Variants in ZSCAN26 observed in about 807,000 individuals in gnomAD.
The protein encoded by ZSCAN26 is zinc finger and SCAN domain-containing protein 26.
A neutral mutation model predicts 23.0 loss-of-function variants in ZSCAN26; 26 were observed. That is an observed-to-expected ratio of 1.13 (90% confidence interval 0.83 to 1.57). The LOEUF (loss-of-function observed/expected upper bound fraction) is 1.57, where lower values mean the gene tolerates loss of function less well. ZSCAN26 is among the 40% of genes most tolerant of loss of function. ZSCAN26 has a pLI of 0.00. For synonymous variants in ZSCAN26, 180 were observed against 202.5 expected, an observed-to-expected ratio of 0.89 and a Z score of 0.94; for missense variants, 528 against 568.5, an observed-to-expected ratio of 0.93 and a Z score of 0.72.
At chr6:28,268,538 T>G (rs1369874695) in intron 1 of ZSCAN26, among the ~76,000 whole-genome samples, 1 of 152,144 alleles carries the variant, frequency 6.6e-6, no homozygotes, top group Non-Finnish European at 1.5e-5. Context: ...GAAAATAGAT[T>G]GGTGTCTCAG....
chr6:28,268,251 G>A (rs563579326), intron 1 of ZSCAN26, among the ~76,000 whole-genome samples: 1 of 152,186 alleles, frequency 6.6e-6, no homozygotes, highest in East Asian at 1.9e-4. Flanking sequence ...TTATTATGCT[G>A]AGACATGAAG....
At chr6:28,267,791 CTT>C (rs1467543190) in intron 1 of ZSCAN26, among the ~76,000 whole-genome samples, 4 of 152,146 alleles carry the variant, frequency 2.6e-5, no homozygotes, top group African/African-American at 7.2e-5. Context: ...CATGATCTGA[CTT>C]ATGTTTTAAA....
intron 3 of ZSCAN26, among the ~76,000 whole-genome samples, chr6:28,274,473 G>T (rs937269189): frequency 6.6e-6 from 1 of 152,238 alleles, no homozygotes; most frequent in Admixed American, 6.5e-5. Context: ...AAAAGTAAAT[G>T]TGGCTGCTGT....
chr6:28,271,743 G>A lies in ZSCAN26; in HGVS notation c.-66-111G>A, dbSNP rs1581609785. ...TCTGTATGTATGTTTAGAAATGGTTGTTTTAGAGAGAAAAAATGGATAATA... is the reference window on the plus strand; with the variant it reads ...TCTGTATGTATGTTTAGAAATGGTTATTTTAGAGAGAAAAAATGGATAATA... On this transcript the variant is annotated intron_variant, in intron 1 of 3. Coordinates refer to ENST00000421553, the MANE Select transcript of ZSCAN26 (RefSeq NM_001023560.4). The A allele has an allele frequency of 1.5e-5, 9 of 608,970 alleles. No individual in the cohort carries two copies. In the East Asian group the frequency reaches 2.5e-4, roughly 17 times the overall value. 37.7% of individuals were successfully genotyped at this position (608,970 alleles called of 1,614,324 possible). A position where few individuals can be genotyped will look rare whatever the true frequency, so the allele number is the denominator to read the frequency against.
rs1315714075 is a variant in ZSCAN26 at position 28,278,137 on chromosome 6, A to G, written c.*1041A>G. Reference sequence around the variant, plus strand: ...ACAACTTCAGCCCTCAGCCTCTGCAATCCATATATATCCTGGTCTTGGGAG... The same window carrying G: ...ACAACTTCAGCCCTCAGCCTCTGCAGTCCATATATATCCTGGTCTTGGGAG... On this transcript the variant is annotated 3_prime_UTR_variant, in exon 4 of 4. Coordinates refer to ENST00000421553, the MANE Select transcript of ZSCAN26 (RefSeq NM_001023560.4). The G allele has an allele frequency of 6.6e-6, 1 of 152,230 alleles. No homozygotes were observed. Among genetic ancestry groups the G allele is most frequent in the East Asian group, 1.9e-4 (1 of 5,198 alleles). The allele number at this position is 152,230 out of a possible 1,614,324, so 9.4% of individuals were successfully genotyped here. A position where few individuals can be genotyped will look rare whatever the true frequency, so the allele number is the denominator to read the frequency against.
At chr6:28,271,144 C>T (rs144399148) in intron 1 of ZSCAN26, among the ~76,000 whole-genome samples, 2,220 of 152,268 alleles carry the variant, frequency 0.015, 53 homozygotes, top group African/African-American at 0.043. Flanking sequence ...ACCTCCTTGA[C>T]CTTCTGGATA....
intron 1 of ZSCAN26, 72 bp from the exon 2 acceptor site, chr6:28,271,782 C>T: frequency 3.8e-6 from 3 of 790,604 alleles, no homozygotes; most frequent in South Asian, 4.2e-5. Flanking sequence ...AATGTATAAA[C>T]CCAAGAAAAT....
rs1482967681 is a variant in ZSCAN26, at chr6:28,276,467, A to G, written c.811A>G (p.Thr271Ala). ...ESDVCQSSSL[T>A]GHKKVLSREK... ...TGATGTGTGTCAGAGTTCCAGTCTTACAGGACATAAGAAAGTCCTCTCTAG... is the reference window on the plus strand; with the variant it reads ...TGATGTGTGTCAGAGTTCCAGTCTTGCAGGACATAAGAAAGTCCTCTCTAG... Residue 271 changes from threonine to alanine, a missense_variant, in exon 4 of 4, where the codon ACA becomes GCA. Thr to Ala is a moderately conservative substitution (Grantham distance 58). Transcript: ENST00000421553. 1.2e-6 allele frequency: 2 copies of G among 1,614,036 alleles called. No individual in the cohort carries two copies. Among genetic ancestry groups the G allele is most frequent in the Non-Finnish European group, 1.7e-6 (2 of 1,179,876 alleles).
Position 28,276,761 on chromosome 6 carries a change from T to G in ZSCAN26, c.1105T>G (p.Cys369Gly). The G allele has an allele frequency of 6.2e-7, 1 of 1,613,866 alleles. No homozygotes were observed. The highest frequency in any genetic ancestry group is 8.5e-7 in the Non-Finnish European group (1 of 1,179,848). The change falls in exon 4 of 4, where the codon TGC becomes GGC. Residue 369 changes from cysteine (C) to glycine (G), a missense_variant. Transcript: ENST00000421553. Reference sequence around the variant, plus strand: ...TCACAGTCAGGAGGAGCCCTGTGAGTGCAAGGAGTGTGGAAAAACCTTTAG... The same window carrying G: ...TCACAGTCAGGAGGAGCCCTGTGAGGGCAAGGAGTGTGGAAAAACCTTTAG... ...RIHSQEEPCE[C>G]KECGKTFSQA...
At position 28,276,826 on chromosome 6, in the gene ZSCAN26, T is replaced by C. The variant is rs1207918615; in HGVS notation, c.1170T>C (p.Ser390=). 1.9e-6 allele frequency: 3 copies of C among 1,613,938 alleles called. No homozygotes were observed. In the African/African-American group the frequency reaches 4.0e-5, roughly 22 times the overall value. Residue 390 remains serine (S), a synonymous_variant, in exon 4 of 4, where the codon AGT becomes AGC. Transcript: ENST00000421553. The part of the protein sequence containing the change: ...LLLTHHQRIH[S]HSKSHQCNEC... ...TCACCCACCATCAGAGAATCCATAG[T>C]CACTCCAAAAGCCATCAATGTAACG...
rs372355288 is a variant in ZSCAN26 at position 28,276,544 on chromosome 6, A to G, written c.888A>G (p.Ser296=). 38 of 1,613,632 alleles carry G rather than the reference A, an allele frequency of 2.4e-5. No individual in the cohort carries two copies. The highest frequency in any genetic ancestry group is 3.1e-5 in the Non-Finnish European group (37 of 1,179,774). ...HECGKAFQRS[S]HLVRHQKIHL... ...GTGGGAAAGCCTTTCAGAGGAGTTC[A>G]CACCTCGTCAGACATCAGAAAATCC... Residue 296 remains serine (S), a synonymous_variant, in exon 4 of 4, where the codon TCA becomes TCG. Transcript: ENST00000421553.
intron 3 of ZSCAN26, among the ~76,000 whole-genome samples, chr6:28,273,687 AT>A (rs201094186): frequency 0.012 from 1,657 of 137,672 alleles, 8 homozygotes; most frequent in Middle Eastern, 0.019. Flanking sequence ...CGTCACCTGG[AT>A]TTTTTTTTTT....
chr6:28,271,217 A>C (rs573779869), intron 1 of ZSCAN26, among the ~76,000 whole-genome samples: 3 of 152,198 alleles, frequency 2.0e-5, no homozygotes, highest in East Asian at 3.9e-4. Flanking sequence ...TTACATGTAG[A>C]TGTTTCCCAG....
chr6:28,272,751 C>A lies in ZSCAN26; in HGVS notation c.502C>A (p.His168Asn). ...LKGVQEQQVR[H>N]ECEVTKPEKE... is the part of the protein sequence containing the mutation. ...AGGAGTACAGGAACAGCAGGTTCGG[C>A]ATGAGTGTGAAGTTACAAAGCCTGA... Residue 168 changes from histidine (H) to asparagine (N), a missense_variant, in exon 3 of 4, where the codon CAT becomes AAT. By Grantham distance (68) the His-to-Asn change is moderately conservative. Transcript: ENST00000421553. The A allele has an allele frequency of 1.2e-6, 2 of 1,613,460 alleles. No homozygotes were observed. Among genetic ancestry groups the A allele is most frequent in the Non-Finnish European group, 1.7e-6 (2 of 1,179,666 alleles).
At chr6:28,275,829 G>A (rs998733875) in intron 3 of ZSCAN26, among the ~76,000 whole-genome samples, 1 of 152,112 alleles carries the variant, frequency 6.6e-6, no homozygotes, top group East Asian at 1.9e-4. Flanking sequence ...GGCCCTGGGG[G>A]CCTCAATTAA....
chr6:28,275,749 G>C (rs1456975309), intron 3 of ZSCAN26, among the ~76,000 whole-genome samples: 4 of 152,186 alleles, frequency 2.6e-5, no homozygotes, highest in African/African-American at 9.7e-5. Context: ...AGATTACACA[G>C]TTAGTGATAA....
intron 3 of ZSCAN26, 22 bp downstream of exon 3, chr6:28,272,809 C>G (rs1177566128): frequency 4.8e-5 from 76 of 1,590,244 alleles, no homozygotes; most frequent in Non-Finnish European, 6.5e-5. Context: ...ATTGCATCTT[C>G]TGTGTGTGAG....
At chr6:28,270,868 A>G (rs1210678428) in intron 1 of ZSCAN26, among the ~76,000 whole-genome samples, 1 of 152,162 alleles carries the variant, frequency 6.6e-6, no homozygotes, top group East Asian at 1.9e-4. Context: ...TTAATTCACC[A>G]TCTTATAGCA....
At position 28,271,807 on chromosome 6, in the gene ZSCAN26, T is replaced by C. The variant is rs887207193; in HGVS notation, c.-66-47T>C. On this transcript the variant is annotated intron_variant, in intron 1 of 3. Transcript: ENST00000421553. ...CCCAAGAAAATGTTACTGTTCTTGT[T>C]AGCAGTACTATTACTGTTTCTGTCA... is the stretch of plus-strand genomic sequence containing the variant. 50 of 926,134 alleles carry C rather than the reference T, an allele frequency of 5.4e-5. No homozygotes were observed. The East Asian group carries it at 6.6e-4, about 12-fold the overall frequency. 57.4% of individuals were successfully genotyped at this position (926,134 alleles called of 1,614,324 possible). A position where few individuals can be genotyped will look rare whatever the true frequency, so the allele number is the denominator to read the frequency against.
Sources: allele counts gnomAD v4.1 joint callset (sites outside exome capture counted in the v4.1 genomes callset), GRCh38; gene constraint gnomAD v4.1.1; transcripts MANE v1.5; gene names NCBI Gene and HGNC (gene_info 2026-07-23, HGNC 2026-07-21).